The following SLC2A14 variants were observed in gnomAD, a reference collection of about 807,000 sequenced individuals.
The protein encoded by SLC2A14 is solute carrier family 2, facilitated glucose transporter member 14.
SLC2A14 carries 13 observed loss-of-function variants against 43.0 expected under a neutral mutation model. That is an observed-to-expected ratio of 0.30 (90% CI 0.20 to 0.48). The LOEUF (loss-of-function observed/expected upper bound fraction) is 0.48. Ranked by LOEUF, SLC2A14 falls within the 20% of genes least tolerant of loss-of-function variation. The pLI is 0.99. For missense variants in SLC2A14, 428 were observed against 620.4 expected (o/e 0.69, Z 3.29); for synonymous variants, 190 against 233.8 (o/e 0.81, Z 1.71).
chr12:7,827,681 G>T lies in SLC2A14; in HGVS notation c.678C>A (p.Ile226=), dbSNP rs958340799. The T allele has an allele frequency of 6.4e-7, 1 of 1,564,308 alleles. No individual in the cohort carries two copies. Among genetic ancestry groups the T allele is most frequent in the East Asian group, 2.3e-5 (1 of 43,904 alleles). Residue 226 remains isoleucine (I), a splice_region_variant and synonymous_variant, in exon 7 of 11, where the codon ATC becomes ATA. Coordinates refer to ENST00000431042, the MANE Select transcript of SLC2A14 (RefSeq NM_001286234.2). ...CCTGGGTGCCCCACAACCGCTGGAG[G>T]ACTGGTGAAAAGAAGAAAGAGGAAA... ...NRKKEENATR[I]LQRLWGTQDV...
intron 1 of SLC2A14, among the ~76,000 whole-genome samples, chr12:7,886,092 C>G (rs1257125843): frequency 6.9e-6 from 1 of 145,700 alleles, no homozygotes; most frequent in African/African-American, 2.5e-5. Context: ...TCAAGCAGTT[C>G]TCTGCCTCAG....
At chr12:7,840,203 C>T (rs1865838730) in intron 2 of SLC2A14, among the ~76,000 whole-genome samples, 1 of 144,052 alleles carries the variant, frequency 6.9e-6, no homozygotes, top group Admixed American at 7.0e-5. Context: ...CTGCCTTCCA[C>T]CATGTGAGGA....
intron 2 of SLC2A14, among the ~76,000 whole-genome samples, chr12:7,842,206 T>C (rs1866011051): frequency 6.6e-6 from 1 of 152,176 alleles, no homozygotes; most frequent in Non-Finnish European, 1.5e-5. Context: ...CCTGCATGTC[T>C]TTTCGTGGCT....
chr12:7,834,563 CA>C (rs34192898), intron 2 of SLC2A14, among the ~76,000 whole-genome samples: 75,729 of 120,996 alleles, frequency 0.63, 23,998 homozygotes, highest in Non-Finnish European at 0.7. Flanking sequence ...CCTTCTCTAT[CA>C]AAAAAAAAAA....
At chr12:7,834,530 CTTTTTT>C (rs71038782) in intron 2 of SLC2A14, among the ~76,000 whole-genome samples, 1 of 113,236 alleles carries the variant, frequency 8.8e-6, no homozygotes, top group Admixed American at 9.9e-5. Flanking sequence ...TTCTCTCTCT[CTTTTTT>C]TTTTTTTTTT....
chr12:7,859,740 G>A (rs1000391961), intron 2 of SLC2A14, among the ~76,000 whole-genome samples: 1 of 152,134 alleles, frequency 6.6e-6, no homozygotes, highest in African/African-American at 2.4e-5. Flanking sequence ...GGCATGCACT[G>A]AAAAGAAGCT....
intron 4 of SLC2A14, 91 bp downstream of exon 4, chr12:7,831,513 A>G: frequency 1.2e-5 from 18 of 1,550,128 alleles, no homozygotes; most frequent in Non-Finnish European, 1.6e-5. Context: ...TTCTTATTCA[A>G]AGGCATCATC....
chr12:7,874,993 TATATATAAATACATATA>T (rs1945425346), upstream of SLC2A14, among the ~76,000 whole-genome samples: 1 of 96,054 alleles, frequency 1.0e-5, no homozygotes, highest in African/African-American at 4.6e-5. Context: ...ATATATAAAT[TATATATAAATACATATA>T]TAAAAATTAT....
intron 1 of SLC2A14, chr12:7,871,223 TC>T: frequency 8.0e-7 from 1 of 1,244,602 alleles, no homozygotes. Flanking sequence ...GAGGACCACC[TC>T]CAGGAGCTGC....
intron 1 of SLC2A14, among the ~76,000 whole-genome samples, chr12:7,878,696 G>A (rs1341478468): frequency 6.6e-6 from 1 of 151,698 alleles, no homozygotes; most frequent in East Asian, 1.9e-4. Context: ...TATGGAAATT[G>A]AGCCAGGTGG....
At chr12:7,849,566 T>C (rs1866750172) in intron 2 of SLC2A14, among the ~76,000 whole-genome samples, 3 of 151,676 alleles carry the variant, frequency 2.0e-5, no homozygotes, top group Non-Finnish European at 4.4e-5. Flanking sequence ...AGCTTTTTTT[T>C]AAAGGTGATG....
chr12:7,866,224 C>CAA (rs1294745106), intron 2 of SLC2A14, among the ~76,000 whole-genome samples: 14,050 of 93,176 alleles, frequency 0.15, 965 homozygotes, highest in East Asian at 0.33. Flanking sequence ...GACTCTGTCT[C>CAA]AAAAAAAAAA....
intron 9 of SLC2A14, among the ~76,000 whole-genome samples, chr12:7,818,657 G>A (rs6488683): frequency 0.6 from 90,624 of 151,284 alleles, 27,471 homozygotes; most frequent in African/African-American, 0.68. Flanking sequence ...GCAAGACCCT[G>A]TCTCAAAAAA....
intron 2 of SLC2A14, among the ~76,000 whole-genome samples, chr12:7,843,289 G>A (rs745863470): frequency 6.7e-6 from 1 of 149,804 alleles, no homozygotes; most frequent in Non-Finnish European, 1.5e-5. Context: ...GGAAAACAGA[G>A]AATTTCCTGG....
At chr12:7,854,091 G>A (rs998640819) in intron 2 of SLC2A14, among the ~76,000 whole-genome samples, 1 of 152,002 alleles carries the variant, frequency 6.6e-6, no homozygotes, top group Admixed American at 6.6e-5. Context: ...AAAAGACTGA[G>A]AAGTGATTAG....
chr12:7,848,353 A>G (rs1592241394), intron 2 of SLC2A14, among the ~76,000 whole-genome samples: 1 of 151,430 alleles, frequency 6.6e-6, no homozygotes, highest in Non-Finnish European at 1.5e-5. Context: ...CATCTCTTCA[A>G]TATTTGTATC....
At chr12:7,861,675 A>G (rs1484959991) in intron 2 of SLC2A14, among the ~76,000 whole-genome samples, 31 of 152,082 alleles carry the variant, frequency 2.0e-4, no homozygotes, top group Admixed American at 2.0e-3. Context: ...TAACTGAAAA[A>G]AAACAGGCCA....
intron 6 of SLC2A14, among the ~76,000 whole-genome samples, 155 bp from the exon 7 acceptor site, chr12:7,827,837 A>T (rs1864628548): frequency 6.6e-6 from 1 of 152,118 alleles, no homozygotes; most frequent in African/African-American, 2.4e-5. Flanking sequence ...AGGGGCTGAA[A>T]ATTTTACTCA....
intron 2 of SLC2A14, among the ~76,000 whole-genome samples, chr12:7,863,150 G>C (rs1159054840): frequency 6.6e-6 from 1 of 152,130 alleles, no homozygotes; most frequent in Non-Finnish European, 1.5e-5. Flanking sequence ...AAGGTCTGCA[G>C]CTTCATTTTT....
Sources: allele counts gnomAD v4.1 joint callset (sites outside exome capture counted in the v4.1 genomes callset), GRCh38; gene constraint gnomAD v4.1.1; transcripts MANE v1.5; gene names NCBI Gene and HGNC (gene_info 2026-07-23, HGNC 2026-07-21).